PTPRG: variants seen among roughly 807,000 people sequenced by gnomAD.
PTPRG encodes the protein protein tyrosine phosphatase receptor type G.
A neutral mutation model predicts 165.3 loss-of-function variants in PTPRG; 102 were observed. The observed-to-expected ratio is 0.62, with a 90% CI of 0.53 to 0.73. The LOEUF is 0.73. Among genes scored for constraint, PTPRG ranks in the 30% least tolerant of loss-of-function variants. PTPRG has a pLI of 0.00. For synonymous variants in PTPRG, 675 were observed against 669.5 expected, an observed-to-expected ratio of 1.01 and a Z score of -0.13; for missense variants, 1,866 against 1,861.4, an observed-to-expected ratio of 1.00 and a Z score of -0.05.
intron 13 of PTPRG, among the ~76,000 whole-genome samples, chr3:62,223,846 T>C (rs1229815192): frequency 1.3e-5 from 2 of 152,212 alleles, no homozygotes; most frequent in Non-Finnish European, 2.9e-5. Flanking sequence ...TCACATTGTA[T>C]AGCTGTACAG....
intron 1 of PTPRG, among the ~76,000 whole-genome samples, chr3:61,687,810 T>C (rs1428119247): frequency 6.6e-6 from 1 of 152,180 alleles, no homozygotes; most frequent in Non-Finnish European, 1.5e-5. Flanking sequence ...AATCCATTTG[T>C]TAAATAGCCC....
chr3:61,954,808 A>G (rs985455504), intron 2 of PTPRG, among the ~76,000 whole-genome samples: 6 of 152,256 alleles, frequency 3.9e-5, no homozygotes, highest in African/African-American at 1.4e-4. Context: ...ACAGATGAGA[A>G]TATCTCAATG....
At chr3:61,597,364 G>A (rs189730682) in intron 1 of PTPRG, among the ~76,000 whole-genome samples, 6 of 152,196 alleles carry the variant, frequency 3.9e-5, no homozygotes, top group Admixed American at 1.3e-4. Flanking sequence ...GTCCCTTATC[G>A]TCGGCCCTCT....
intron 4 of PTPRG, among the ~76,000 whole-genome samples, chr3:62,065,925 C>CGTTTGGAAG (rs1376222680): frequency 4.6e-5 from 7 of 152,322 alleles, no homozygotes; most frequent in African/African-American, 1.7e-4. Context: ...AACTCAGAAG[C>CGTTTGGAAG]GTTTGGAAGC....
chr3:62,060,962 G>A (rs1006503989), intron 4 of PTPRG, among the ~76,000 whole-genome samples: 1 of 152,078 alleles, frequency 6.6e-6, no homozygotes, highest in African/African-American at 2.4e-5. Flanking sequence ...ATATTTCATA[G>A]TATGGATGCA....
At chr3:61,913,765 A>G (rs757818816) in intron 2 of PTPRG, among the ~76,000 whole-genome samples, 1 of 152,206 alleles carries the variant, frequency 6.6e-6, no homozygotes, top group Non-Finnish European at 1.5e-5. Context: ...TGGCTGGATG[A>G]GCATTACCTC....
intron 2 of PTPRG, among the ~76,000 whole-genome samples, chr3:61,926,426 T>C (rs114915012): frequency 0.016 from 2,417 of 152,176 alleles, 43 homozygotes; most frequent in South Asian, 0.083. Context: ...CGTGTGCCTC[T>C]CCTTCACCTT....
At chr3:62,038,237 T>C (rs1575922280) in intron 4 of PTPRG, among the ~76,000 whole-genome samples, 1 of 152,244 alleles carries the variant, frequency 6.6e-6, no homozygotes, top group African/African-American at 2.4e-5. Context: ...TTGTTCTTTT[T>C]GTTTGCACAA....
chr3:62,165,086 T>C (rs1704917208), intron 7 of PTPRG, among the ~76,000 whole-genome samples: 1 of 152,220 alleles, frequency 6.6e-6, no homozygotes, highest in South Asian at 2.1e-4. Flanking sequence ...AATTTCCGTT[T>C]ATTTGGTCTT....
intron 2 of PTPRG, among the ~76,000 whole-genome samples, chr3:61,803,583 C>T (rs1215789086): frequency 7.2e-6 from 1 of 139,662 alleles, no homozygotes; most frequent in Non-Finnish European, 1.5e-5. Context: ...TCACGTTTTA[C>T]TGCATACTTG....
intron 2 of PTPRG, among the ~76,000 whole-genome samples, chr3:61,784,372 C>T (rs893737140): frequency 3.3e-5 from 5 of 152,162 alleles, no homozygotes; most frequent in Non-Finnish European, 7.4e-5. Context: ...ATACTTATTT[C>T]TTAATGCACA....
rs762954213 is a variant in PTPRG at position 62,167,931 on chromosome 3, G to T, written c.841-40G>T. 23 of 1,422,370 alleles carry T rather than the reference G, an allele frequency of 1.6e-5. No individual in the cohort carries two copies. The South Asian group carries it at 1.9e-4, about 12-fold the overall frequency. 88.1% of individuals were successfully genotyped at this position (1,422,370 alleles called of 1,614,324 possible). A position where few individuals can be genotyped will look rare whatever the true frequency, so the allele number is the denominator to read the frequency against. ...CTAATTGATGTGTGTTTTTTGTGTT[G>T]TTTTTTTTTTCCCCCTCCCCTCTCT... On this transcript the variant is annotated intron_variant, in intron 7 of 29. Transcript: ENST00000474889.
chr3:61,634,255 T>A (rs1173476436), intron 1 of PTPRG, among the ~76,000 whole-genome samples: 1 of 152,044 alleles, frequency 6.6e-6, no homozygotes, highest in Non-Finnish European at 1.5e-5. Flanking sequence ...GCCTGTTTTT[T>A]GAGACAGAGT....
intron 5 of PTPRG, among the ~76,000 whole-genome samples, chr3:62,088,525 A>C (rs185616538): frequency 6.8e-4 from 104 of 152,346 alleles, no homozygotes; most frequent in African/African-American, 2.4e-3. Flanking sequence ...CAAAATATTT[A>C]AATCTGCCCT....
rs559689618 is a variant in PTPRG at position 62,166,721 on chromosome 3, A to C, written c.841-1250A>C. On this transcript the variant is annotated intron_variant, in intron 7 of 29. Transcript: ENST00000474889. ...TGTTCTGTTTTTGAGACAGGGTCTC[A>C]CTCTGTCACCCAGACTGGAGTGCAT... Among the ~76,000 whole-genome samples the C allele has an allele frequency of 2.0e-5, 3 of 151,912 alleles. No homozygotes were observed. The East Asian group carries it at 5.8e-4, about 30-fold the overall frequency.
At chr3:62,218,252 C>A (rs1375351417) in intron 12 of PTPRG, among the ~76,000 whole-genome samples, 2 of 152,168 alleles carry the variant, frequency 1.3e-5, no homozygotes, top group Admixed American at 6.5e-5. Context: ...GAGCCCCACA[C>A]TCCGATGATT....
chr3:61,732,758 A>AAATAAATC (rs1553656914), intron 1 of PTPRG, among the ~76,000 whole-genome samples: 21 of 131,398 alleles, frequency 1.6e-4, no homozygotes, highest in East Asian at 2.2e-4. Context: ...ATAAATAAAT[A>AAATAAATC]AATCTTGCAT....
At chr3:61,645,903 T>G (rs1158659511) in intron 1 of PTPRG, among the ~76,000 whole-genome samples, 1 of 152,174 alleles carries the variant, frequency 6.6e-6, no homozygotes, top group Non-Finnish European at 1.5e-5. Flanking sequence ...TAAATTCTGT[T>G]TCTTAGATCA....
At position 61,871,158 on chromosome 3, in the gene PTPRG, GTGTTGTGTTATGTTATGTTATGTTA is replaced by G. The variant is rs1389951570; in HGVS notation, c.191-118462_191-118438del. Among the ~76,000 whole-genome samples, 790 of 127,518 alleles carry G rather than the reference GTGTTGTGTTATGTTATGTTATGTTA, an allele frequency of 6.2e-3. 6 individuals are homozygous for G. Among genetic ancestry groups the G allele is most frequent in the Middle Eastern group, 0.011 (3 of 262 alleles). 83.7% of individuals were successfully genotyped at this position (127,518 alleles called of 152,430 possible). On this transcript the variant is annotated intron_variant, in intron 2 of 29. Transcript: ENST00000474889. ...GTGTTGTGTTGTGTTGTGTTGTGTT[GTGTTGTGTTATGTTATGTTATGTTA>G]TGTTATGTTATGTTATGTTATGTTA...
Sources: gnomAD v4.1 joint callset for allele counts (sites outside exome capture counted in the v4.1 genomes callset) on GRCh38, gnomAD v4.1.1 for gene constraint, MANE v1.5 for transcripts, NCBI Gene and HGNC (gene_info 2026-07-23, HGNC 2026-07-21) for gene names.